CACNA2D4: variants seen among roughly 807,000 people sequenced by gnomAD.
The protein encoded by CACNA2D4 is calcium voltage-gated channel auxiliary subunit alpha2delta 4.
A neutral mutation model predicts 163.8 loss-of-function variants in CACNA2D4; 157 were observed. The observed-to-expected ratio is 0.96, with a 90% confidence interval of 0.84 to 1.09. CACNA2D4 has a LOEUF of 1.09. Ranked by LOEUF, CACNA2D4 falls within the 50% of genes least tolerant of loss-of-function variation. CACNA2D4 has a pLI of 0.00. For synonymous variants in CACNA2D4, 598 were observed against 586.9 expected (o/e 1.02, Z -0.27); for missense variants, 1,410 against 1,479.9 (o/e 0.95, Z 0.78).
chr12:1,860,057 C>T, intron 19 of CACNA2D4, 88 bp downstream of exon 19: 1 of 1,064,858 alleles, frequency 9.4e-7, no homozygotes, highest in East Asian at 2.4e-5. Context: ...GGGTCTTTTG[C>T]TATTACCACA....
At position 1,907,956 on chromosome 12, in the gene CACNA2D4, C is replaced by T. The variant is rs1451385968; in HGVS notation, c.568G>A (p.Glu190Lys). ...FVELGAEFLL[E>K]SNAHFSNLPV... ...AGGTTGCTGAAGTGAGCATTGGACT[C>T]CAGGAGGAACTCGGCGCCCAGCTCC... The change falls in exon 5 of 38, where the codon GAG becomes AAG. Residue 190 changes from glutamate to lysine, a missense_variant. Coordinates refer to ENST00000382722, the MANE Select transcript of CACNA2D4 (RefSeq NM_172364.5). 2 of 1,613,920 alleles carry T rather than the reference C, an allele frequency of 1.2e-6. No individual in the cohort carries two copies. Among genetic ancestry groups the T allele is most frequent in the Non-Finnish European group, 1.7e-6 (2 of 1,179,888 alleles).
In CACNA2D4 at chr12:1,798,490, C is replaced by G. The variant is rs572181036; in HGVS notation, c.2996-955G>C. Among the ~76,000 whole-genome samples the G allele has an allele frequency of 3.9e-5, 6 of 152,094 alleles. No homozygotes were observed. The highest frequency in any genetic ancestry group is 6.5e-5 in the Admixed American group (1 of 15,284). On this transcript the variant is annotated intron_variant, in intron 34 of 37. Coordinates refer to ENST00000382722, the MANE Select transcript of CACNA2D4 (RefSeq NM_172364.5). The surrounding 1 kb of genome is among the most constrained non-coding windows in gnomAD (Gnocchi z 4.3). ...TAGCTGGCGTGCAGAAAACTCTCAC[C>G]GAGAGGAGCAAGCCCACAGCGGCCA...
intron 29 of CACNA2D4, among the ~76,000 whole-genome samples, chr12:1,808,226 C>T (rs80062255): frequency 6.6e-6 from 1 of 152,014 alleles, no homozygotes; most frequent in Non-Finnish European, 1.5e-5. Context: ...CCTCCAGGGC[C>T]GCCTCCCCGC....
At chr12:1,907,130 G>T (rs1866678525) in intron 6 of CACNA2D4, among the ~76,000 whole-genome samples, 1 of 152,234 alleles carries the variant, frequency 6.6e-6, no homozygotes, top group African/African-American at 2.4e-5. Flanking sequence ...TTAAGGTAAA[G>T]AATTGTTTTA....
rs1235820276 is a variant in CACNA2D4, at chr12:1,795,212, A to G, written c.3309+87T>C. The stretch of plus-strand genomic sequence containing the variant: ...CAGGTGTGTTCATTGGCATCCCTAT[A>G]TGCTCCTGTCTGCAGGGGCACAGAC... On this transcript the variant is annotated intron_variant, in intron 37 of 37. Transcript: ENST00000382722. 11 of 1,212,462 alleles carry G rather than the reference A, an allele frequency of 9.1e-6. No homozygotes were observed. The Admixed American group carries it at 1.4e-4, about 15-fold the overall frequency. 75.1% of individuals were successfully genotyped at this position (1,212,462 alleles called of 1,614,324 possible).
In CACNA2D4 at chr12:1,810,265, C is replaced by T. The variant is rs1156387753; in HGVS notation, c.2721+13G>A. On this transcript the variant is annotated intron_variant, in intron 29 of 37. Coordinates refer to ENST00000382722, the MANE Select transcript of CACNA2D4 (RefSeq NM_172364.5). ...CGCCCTCTCCCCCTCATTCTATATCCCCAGTGACTCACCTCTCGGGACCTC... is the reference window on the plus strand; with the variant it reads ...CGCCCTCTCCCCCTCATTCTATATCTCCAGTGACTCACCTCTCGGGACCTC... 6.2e-7 allele frequency: 1 copy of T among 1,607,880 alleles called. No homozygotes were observed. The highest frequency in any genetic ancestry group is 1.3e-5 in the African/African-American group (1 of 74,802).
intron 26 of CACNA2D4, among the ~76,000 whole-genome samples, chr12:1,825,019 T>C (rs1209629656): frequency 6.6e-6 from 1 of 152,178 alleles, no homozygotes; most frequent in African/African-American, 2.4e-5. Flanking sequence ...GGGGCCTTGT[T>C]TTCATCACAT....
intron 28 of CACNA2D4, 46 bp downstream of exon 28, chr12:1,810,489 CGGGCGGAG>C: frequency 6.5e-7 from 1 of 1,539,190 alleles, no homozygotes. Context: ...CCAGGAGGAC[CGGGCGGAG>C]GGCCATGGCT....
intron 19 of CACNA2D4, 65 bp from the exon 20 acceptor site, chr12:1,858,709 C>T (rs551560136): frequency 2.5e-5 from 33 of 1,329,658 alleles, no homozygotes; most frequent in East Asian, 4.9e-5. Context: ...TCCCGGGCCT[C>T]GTCCTTGCCC....
Position 1,883,991 on chromosome 12 carries a change from C to T in CACNA2D4, c.1351+252G>A. 1 of 488,380 alleles carries T rather than the reference C, an allele frequency of 2.0e-6. No individual in the cohort carries two copies. Among genetic ancestry groups the T allele is most frequent in the Non-Finnish European group, 3.7e-6 (1 of 273,896 alleles). The allele number at this position is 488,380 out of a possible 1,614,324, so 30.3% of individuals were successfully genotyped here. On this transcript the variant is annotated intron_variant, in intron 12 of 37. Transcript: ENST00000382722. This position sits in a 1 kb window ranked among gnomAD's most constrained non-coding sequence, Gnocchi z 4.5. ...AAAACAGTGACCCTCTGCTTTTTGT[C>T]TGGGAGCAGAACCAGAGTCCATGGC...
chr12:1,834,537 C>T lies in CACNA2D4; in HGVS notation c.2551+6202G>A, dbSNP rs368068620. ...GCGAGCGTGAGGCGAGCCATGGGCA[C>T]GGTGATCATTGCAGGGGTCGTGTGC... On this transcript the variant is annotated intron_variant, in intron 26 of 37. Transcript: ENST00000382722. The surrounding 1 kb of genome is among the most constrained non-coding windows in gnomAD (Gnocchi z 7.6). The T allele has an allele frequency of 2.5e-6, 4 of 1,604,624 alleles. No individual in the cohort carries two copies. The highest frequency in any genetic ancestry group is 3.4e-6 in the Non-Finnish European group (4 of 1,179,924).
chr12:1,852,478 T>G (rs1265715141), intron 23 of CACNA2D4, among the ~76,000 whole-genome samples: 1 of 152,188 alleles, frequency 6.6e-6, no homozygotes, highest in Non-Finnish European at 1.5e-5. Flanking sequence ...AAGACCAGCC[T>G]GAGCAACATA....
rs756847435 is a variant in CACNA2D4 at position 1,914,927 on chromosome 12, A to C, written c.236T>G (p.Leu79Arg). Reference protein sequence around the residue: ...QAKIPLETVKLWADTFGGDLY... With the variant: ...QAKIPLETVKRWADTFGGDLY... The stretch of plus-strand genomic sequence containing the variant: ...GTCCCCGCCGAAGGTGTCAGCCCAT[A>C]GCTTCACTCTGCCAGGCAATGAAAG... Residue 79 changes from leucine to arginine, a missense_variant, in exon 2 of 38, where the codon CTA (leucine) becomes CGA (arginine). By Grantham distance (102) the Leu-to-Arg change is moderately radical. Coordinates refer to ENST00000382722, the MANE Select transcript of CACNA2D4 (RefSeq NM_172364.5). 1 of 1,612,536 alleles carries C rather than the reference A, an allele frequency of 6.2e-7. No homozygotes were observed. The highest frequency in any genetic ancestry group is 8.5e-7 in the Non-Finnish European group (1 of 1,178,538).
chr12:1,856,155 C>T lies in CACNA2D4; in HGVS notation c.2054+29G>A, dbSNP rs200104514. The T allele has an allele frequency of 3.7e-6, 6 of 1,613,928 alleles. No individual in the cohort carries two copies. In the East Asian group the frequency reaches 1.3e-4, roughly 36 times the overall value. On this transcript the variant is annotated intron_variant, in intron 21 of 37. Coordinates refer to ENST00000382722, the MANE Select transcript of CACNA2D4 (RefSeq NM_172364.5). The stretch of plus-strand genomic sequence containing the variant: ...TGTTATCTCAAAACATTCCACCTGT[C>T]TCCCTCCCATTTTTTACTCCTCACT...
At chr12:1,795,814 G>A (rs752479540) in intron 35 of CACNA2D4, 34 bp from the exon 36 acceptor site, 4 of 1,354,446 alleles carry the variant, frequency 3.0e-6, no homozygotes, top group East Asian at 4.6e-5. Flanking sequence ...GGATGGCTCC[G>A]TGGCGACCAC....
At chr12:1,914,463 C>T (rs562634555) in intron 2 of CACNA2D4, among the ~76,000 whole-genome samples, 13 of 152,298 alleles carry the variant, frequency 8.5e-5, no homozygotes, top group South Asian at 2.1e-4. Context: ...TCACCTTCTA[C>T]GGCCCGAGCA....
rs149444145 is a variant in CACNA2D4, at chr12:1,874,518, T to G, written c.1878+86A>C. ...CTCAACTCTTCAGCTATAATTAGGC[T>G]AAGTCCAGGTCCCTCGTCACTACTC... On this transcript the variant is annotated intron_variant, in intron 18 of 37. Coordinates refer to ENST00000382722, the MANE Select transcript of CACNA2D4 (RefSeq NM_172364.5). The surrounding 1 kb of genome is among the most constrained non-coding windows in gnomAD (Gnocchi z 4.4). 1.1e-6 allele frequency: 1 copy of G among 892,598 alleles called. No homozygotes were observed. Among genetic ancestry groups the G allele is most frequent in the African/African-American group, 1.6e-5 (1 of 61,034 alleles). 55.3% of individuals were successfully genotyped at this position (892,598 alleles called of 1,614,324 possible).
At chr12:1,916,381 A>T (rs979853233) in intron 1 of CACNA2D4, among the ~76,000 whole-genome samples, 1 of 152,208 alleles carries the variant, frequency 6.6e-6, no homozygotes, top group Non-Finnish European at 1.5e-5. Flanking sequence ...AAAACCTCAC[A>T]TGATGTTTAG....
rs560279372 is a variant in CACNA2D4 at position 1,810,166 on chromosome 12, G to A, written c.2721+112C>T. The stretch of plus-strand genomic sequence containing the variant: ...CAGACCTTTCACCTGAATTGGCCCC[G>A]AACAGGGTTCCCTCCTGGGGCCGTG... On this transcript the variant is annotated intron_variant, in intron 29 of 37. Coordinates refer to ENST00000382722, the MANE Select transcript of CACNA2D4 (RefSeq NM_172364.5). The A allele has an allele frequency of 2.2e-4, 185 of 853,380 alleles. 1 individual carries two copies. The African/African-American group carries it at 2.5e-3, about 11-fold the overall frequency. 52.9% of individuals were successfully genotyped at this position (853,380 alleles called of 1,614,324 possible). A position where few individuals can be genotyped will look rare whatever the true frequency, so the allele number is the denominator to read the frequency against.
Sources: gnomAD v4.1 joint callset for allele counts (sites outside exome capture counted in the v4.1 genomes callset) on GRCh38, gnomAD v4.1.1 for gene constraint, Gnocchi (gnomAD v3.1) non-coding constraint, MANE v1.5 for transcripts, NCBI Gene and HGNC (gene_info 2026-07-23, HGNC 2026-07-21) for gene names.